Variants in ZDHHC14 observed in about 807,000 individuals in gnomAD.
ZDHHC14 encodes the protein palmitoyltransferase ZDHHC14.
In ZDHHC14, 16 loss-of-function variants were observed where a neutral mutation model predicts 47.7. The ratio of observed to expected loss-of-function variants is 0.34; its 90% CI spans 0.23 to 0.51. The LOEUF (loss-of-function observed/expected upper bound fraction) is 0.51. Ranked by LOEUF, ZDHHC14 falls within the 20% of genes least tolerant of loss-of-function variation. ZDHHC14 has a pLI of 0.97. For synonymous variants in ZDHHC14, 293 were observed against 278.9 expected, an observed-to-expected ratio of 1.05 and a Z score of -0.50; for missense variants, 515 against 662.5, an observed-to-expected ratio of 0.78 and a Z score of 2.44.
chr6:157,658,455 A>G (rs573538057), intron 8 of ZDHHC14, among the ~76,000 whole-genome samples: 1 of 152,250 alleles, frequency 6.6e-6, no homozygotes, highest in African/African-American at 2.4e-5. Flanking sequence ...CCCCAGAAGA[A>G]GGTAAACACC....
chr6:157,530,843 C>T (rs1160145080), intron 1 of ZDHHC14, among the ~76,000 whole-genome samples: 6 of 152,098 alleles, frequency 3.9e-5, no homozygotes, highest in Non-Finnish European at 7.3e-5. Flanking sequence ...ATATTTCTAA[C>T]CTGTATTGGT....
intron 1 of ZDHHC14, among the ~76,000 whole-genome samples, chr6:157,450,998 TTG>T (rs34066002): frequency 0.16 from 23,441 of 147,270 alleles, 1,887 homozygotes; most frequent in Middle Eastern, 0.19. Flanking sequence ...AAGTCTGGTC[TTG>T]TGTGTGTGTG....
At chr6:157,519,390 AAAG>A (rs1351675763) in intron 1 of ZDHHC14, among the ~76,000 whole-genome samples, 1 of 152,038 alleles carries the variant, frequency 6.6e-6, no homozygotes, top group Non-Finnish European at 1.5e-5. Flanking sequence ...GAAAAAAAAA[AAAG>A]AGAGGCTTTC....
intron 2 of ZDHHC14, among the ~76,000 whole-genome samples, chr6:157,568,571 T>C (rs375030625): frequency 1.1e-4 from 17 of 152,180 alleles, no homozygotes; most frequent in Admixed American, 6.5e-4. Flanking sequence ...TTGAAGTTGA[T>C]TCCAGTTTTT....
chr6:157,465,856 A>G (rs1443935381), intron 1 of ZDHHC14, among the ~76,000 whole-genome samples: 3 of 152,110 alleles, frequency 2.0e-5, no homozygotes, highest in African/African-American at 7.2e-5. Flanking sequence ...AGCCTGGCCC[A>G]CACGGCGAAA....
chr6:157,394,763 C>T (rs768787962), intron 1 of ZDHHC14, among the ~76,000 whole-genome samples: 6 of 152,122 alleles, frequency 3.9e-5, no homozygotes, highest in Non-Finnish European at 7.4e-5. Context: ...TCTTGGGGCA[C>T]TTTATTATAC....
intron 1 of ZDHHC14, among the ~76,000 whole-genome samples, chr6:157,474,844 C>G (rs985102929): frequency 3.3e-5 from 5 of 152,144 alleles, no homozygotes; most frequent in Non-Finnish European, 7.4e-5. Flanking sequence ...TTCTCCCATT[C>G]TGTAGGTTGT....
At chr6:157,433,992 G>A (rs774280233) in intron 1 of ZDHHC14, among the ~76,000 whole-genome samples, 9 of 152,104 alleles carry the variant, frequency 5.9e-5, no homozygotes, top group Non-Finnish European at 1.3e-4. Context: ...TTAGCTAAGT[G>A]TACACATCAT....
intron 3 of ZDHHC14, among the ~76,000 whole-genome samples, chr6:157,597,984 T>C (rs17447567): frequency 0.7 from 106,156 of 152,186 alleles, 37,901 homozygotes; most frequent in African/African-American, 0.86. Flanking sequence ...TCGCCTCTTT[T>C]TGGCTGTGCT....
At chr6:157,637,286 C>T (rs1777033777) in intron 5 of ZDHHC14, among the ~76,000 whole-genome samples, 1 of 152,026 alleles carries the variant, frequency 6.6e-6, no homozygotes, top group Non-Finnish European at 1.5e-5. Context: ...AGTCAAGGGC[C>T]ACTCAGGGGT....
chr6:157,611,857 C>T (rs1249430203), intron 3 of ZDHHC14, among the ~76,000 whole-genome samples: 2 of 152,190 alleles, frequency 1.3e-5, no homozygotes, highest in African/African-American at 4.8e-5. Flanking sequence ...GGCTTTGTGG[C>T]TCTGACGAGT....
rs1778962720 is a variant in ZDHHC14, at chr6:157,675,858, C to T, written c.*2736C>T. 6.6e-6 allele frequency: 1 copy of T among 152,212 alleles called. No individual in the cohort carries two copies. Among genetic ancestry groups the T allele is most frequent in the Admixed American group, 6.5e-5 (1 of 15,278 alleles). The allele number at this position is 152,212 out of a possible 1,614,324, so 9.4% of individuals were successfully genotyped here. ...CAGTGTGTTAGAGATTGATTACATG[C>T]TAGCTATAAAAAGTAAAATAAATAT... On this transcript the variant is annotated 3_prime_UTR_variant, in exon 9 of 9. Transcript: ENST00000359775.
intron 1 of ZDHHC14, among the ~76,000 whole-genome samples, chr6:157,522,668 A>G (rs1401420401): frequency 6.6e-6 from 1 of 151,388 alleles, no homozygotes; most frequent in Non-Finnish European, 1.5e-5. Context: ...ATTTTTTATT[A>G]TTTCAAAAGC....
At chr6:157,516,554 GA>G (rs796709922) in intron 1 of ZDHHC14, among the ~76,000 whole-genome samples, 11 of 152,296 alleles carry the variant, frequency 7.2e-5, no homozygotes, top group African/African-American at 2.6e-4. Context: ...ATTATTCGTT[GA>G]ATGAATGTCT....
intron 1 of ZDHHC14, among the ~76,000 whole-genome samples, chr6:157,522,349 G>A (rs9505843): frequency 0.077 from 11,668 of 152,268 alleles, 580 homozygotes; most frequent in Non-Finnish European, 0.11. Flanking sequence ...GACTTGATGC[G>A]TAATCTCAAA....
chr6:157,594,537 T>G (rs749217489), intron 3 of ZDHHC14, among the ~76,000 whole-genome samples: 1 of 152,194 alleles, frequency 6.6e-6, no homozygotes, highest in Non-Finnish European at 1.5e-5. Flanking sequence ...AATAAATGAA[T>G]GAACAGGTGG....
intron 1 of ZDHHC14, among the ~76,000 whole-genome samples, chr6:157,417,444 C>G (rs1367083863): frequency 6.6e-6 from 1 of 152,166 alleles, no homozygotes; most frequent in Admixed American, 6.5e-5. Context: ...ACCCCTCTCC[C>G]TTTTTAAGAG....
intron 2 of ZDHHC14, among the ~76,000 whole-genome samples, chr6:157,570,094 T>A (rs1016423006): frequency 1.9e-4 from 29 of 152,212 alleles, no homozygotes; most frequent in African/African-American, 6.8e-4. Context: ...GTAATCCTAA[T>A]TCTCTTTTCT....
intron 1 of ZDHHC14, among the ~76,000 whole-genome samples, chr6:157,513,678 T>G (rs1780575913): frequency 6.6e-6 from 1 of 152,240 alleles, no homozygotes; most frequent in African/African-American, 2.4e-5. Context: ...TATTTATATA[T>G]TATATTCTGT....
Sources: allele counts gnomAD v4.1 joint callset (sites outside exome capture counted in the v4.1 genomes callset), GRCh38; gene constraint gnomAD v4.1.1; transcripts MANE v1.5; gene names NCBI Gene and HGNC (gene_info 2026-07-23, HGNC 2026-07-21).